The following SCMH1 variants were observed in gnomAD, a reference collection of about 807,000 sequenced individuals.
The protein encoded by SCMH1 is polycomb protein SCMH1.
Under a neutral mutation model 70.8 loss-of-function variants are expected in SCMH1, and 37 were observed. That is an observed-to-expected ratio of 0.52 (90% CI 0.40 to 0.69). SCMH1 has a LOEUF of 0.69. SCMH1 is among the 30% of genes least tolerant of loss of function. The pLI, the probability that SCMH1 is intolerant of heterozygous loss-of-function variation, is 0.00. For missense variants in SCMH1, 607 were observed against 827.3 expected, an observed-to-expected ratio of 0.73 and a Z score of 3.27; for synonymous variants, 292 against 307.4, an observed-to-expected ratio of 0.95 and a Z score of 0.52.
intron 2 of SCMH1, among the ~76,000 whole-genome samples, chr1:41,176,271 G>T (rs944279270): frequency 7.9e-5 from 12 of 151,914 alleles, no homozygotes; most frequent in Admixed American, 4.6e-4. Context: ...TCCGGGGGGT[G>T]GCACCAAGAT....
At chr1:41,070,805 C>G in intron 9 of SCMH1, 84 bp from the exon 10 acceptor site, 1 of 1,491,292 alleles carries the variant, frequency 6.7e-7, no homozygotes, top group South Asian at 1.2e-5. Context: ...ACTCATGAAG[C>G]AAAAATATAT....
rs559596693 is a variant in SCMH1, at chr1:41,079,554, C to T, written c.746-4103G>A. 4.6e-5 allele frequency among the ~76,000 whole-genome samples: 7 copies of T among 152,184 alleles called. No individual in the cohort carries two copies. In the South Asian group the frequency reaches 1.0e-3, roughly 23 times the overall value. On this transcript the variant is annotated intron_variant, in intron 8 of 14. Transcript: ENST00000337495. The stretch of plus-strand genomic sequence containing the variant: ...ACATATACCTAATAAATATAGAATA[C>T]GCAGAGACAATTTCATCATAGATCC...
At position 41,169,038 on chromosome 1, in the gene SCMH1, C is replaced by T. The variant is rs148694740; in HGVS notation, c.14-7606G>A. On this transcript the variant is annotated intron_variant, in intron 2 of 14. Transcript: ENST00000337495. ...CTAAGGAGAAGATCTGTGGCAAAAA[C>T]CTGTACTCAAATTCAGGTTGCACCC... 1.2e-3 allele frequency among the ~76,000 whole-genome samples: 176 copies of T among 152,252 alleles called. 1 individual carries two copies. The highest frequency in any genetic ancestry group is 3.8e-3 in the African/African-American group (158 of 41,536).
chr1:41,104,998 C>T (rs909325494), intron 8 of SCMH1, among the ~76,000 whole-genome samples: 1 of 152,144 alleles, frequency 6.6e-6, no homozygotes, highest in East Asian at 1.9e-4. Context: ...TCTTGTTGCC[C>T]AGGCTGGAGT....
At chr1:41,110,065 T>C (rs551552298) in intron 8 of SCMH1, among the ~76,000 whole-genome samples, 3 of 152,242 alleles carry the variant, frequency 2.0e-5, no homozygotes, top group Admixed American at 6.5e-5. Context: ...ACAGAGCTAT[T>C]ACCTCACAGT....
rs151195770 is a variant in SCMH1 at position 41,169,220 on chromosome 1, C to T, written c.14-7788G>A. ...AGAAGTTGTGGCACTTGAGACATGA[C>T]GAAACTCCTTCCAGGAAGAATGAGT... On this transcript the variant is annotated intron_variant, in intron 2 of 14. Transcript: ENST00000337495. 1.3e-4 allele frequency among the ~76,000 whole-genome samples: 20 copies of T among 152,254 alleles called. No homozygotes were observed. In the East Asian group the frequency reaches 2.9e-3, roughly 22 times the overall value.
chr1:41,228,069 A>C (rs999438178), intron 1 of SCMH1, among the ~76,000 whole-genome samples: 6 of 152,230 alleles, frequency 3.9e-5, no homozygotes, highest in African/African-American at 1.4e-4. Flanking sequence ...AATAGGCAGC[A>C]CAGCAGAGAA....
intron 1 of SCMH1, among the ~76,000 whole-genome samples, chr1:41,227,811 T>C (rs992291917): frequency 6.6e-6 from 1 of 152,074 alleles, no homozygotes; most frequent in African/African-American, 2.4e-5. Context: ...ACCCCGTCTC[T>C]ACTAAAAATA....
At chr1:41,231,522 T>C (rs1170101235) in intron 1 of SCMH1, among the ~76,000 whole-genome samples, 1 of 152,216 alleles carries the variant, frequency 6.6e-6, no homozygotes, top group African/African-American at 2.4e-5. Context: ...TTACAATTCA[T>C]GAACCAATAT....
intron 1 of SCMH1, among the ~76,000 whole-genome samples, chr1:41,223,514 T>C (rs1659682862): frequency 8.1e-6 from 1 of 123,514 alleles, no homozygotes; most frequent in Non-Finnish European, 1.9e-5. Flanking sequence ...TAATTTTATC[T>C]TTTTTTTTTT....
intron 6 of SCMH1, among the ~76,000 whole-genome samples, chr1:41,133,316 T>C (rs1642688287): frequency 6.6e-6 from 1 of 152,058 alleles, no homozygotes; most frequent in Admixed American, 6.6e-5. Context: ...TGAATGGGAG[T>C]TCACTCAAGA....
Position 41,177,436 on chromosome 1 carries a change from G to A in SCMH1, c.13+8685C>T, listed in dbSNP as rs199693641. On this transcript the variant is annotated intron_variant, in intron 2 of 14. Coordinates refer to ENST00000337495, the Ensembl canonical transcript of SCMH1. Reference sequence around the variant, plus strand: ...AGAAGAAGGCTTCAGACGATCAAACGACTCCGAGCTAAAGGAGGAAGTTCG... The same window carrying A: ...AGAAGAAGGCTTCAGACGATCAAACAACTCCGAGCTAAAGGAGGAAGTTCG... 5.9e-5 allele frequency among the ~76,000 whole-genome samples: 9 copies of A among 151,872 alleles called. 1 individual carries two copies. The South Asian group carries it at 1.0e-3, about 18-fold the overall frequency.
In SCMH1 at chr1:41,058,474, G is replaced by T. The variant is rs187324903; in HGVS notation, c.1106-9584C>A. On this transcript the variant is annotated intron_variant, in intron 10 of 14. Transcript: ENST00000337495. ...CGGCTCACTGCAACCTCCGCCTCCT[G>T]GGTTCAAGCAATTCTCCTGCTTCAG... is the stretch of plus-strand genomic sequence containing the variant. 9.0e-4 allele frequency among the ~76,000 whole-genome samples: 119 copies of T among 132,532 alleles called. 1 individual carries two copies. The highest frequency in any genetic ancestry group is 3.3e-3 in the African/African-American group (116 of 34,642). 86.9% of individuals were successfully genotyped at this position (132,532 alleles called of 152,430 possible).
At chr1:41,234,027 C>A (rs895359969) in intron 1 of SCMH1, among the ~76,000 whole-genome samples, 3 of 152,216 alleles carry the variant, frequency 2.0e-5, no homozygotes, top group African/African-American at 7.2e-5. Context: ...TTAACCTCCA[C>A]ATATTCCACC....
At chr1:41,122,704 C>T (rs969853065) in intron 6 of SCMH1, among the ~76,000 whole-genome samples, 2 of 152,222 alleles carry the variant, frequency 1.3e-5, no homozygotes, top group African/African-American at 4.8e-5. Flanking sequence ...CCAGTAGTCA[C>T]ACAACTAAGG....
intron 4 of SCMH1, among the ~76,000 whole-genome samples, chr1:41,155,863 T>A (rs190881576): frequency 1.6e-4 from 24 of 151,570 alleles, no homozygotes; most frequent in Admixed American, 1.1e-3. Flanking sequence ...CAGGCACCTA[T>A]AATCCCAGCT....
intron 5 of SCMH1, among the ~76,000 whole-genome samples, chr1:41,148,830 G>C (rs913389454): frequency 2.0e-5 from 3 of 151,822 alleles, no homozygotes; most frequent in African/African-American, 2.4e-5. Context: ...TCGCTCTGTC[G>C]CCCAGGCTGC....
chr1:41,150,915 C>T (rs1274190752), intron 5 of SCMH1, among the ~76,000 whole-genome samples: 3 of 118,280 alleles, frequency 2.5e-5, no homozygotes, highest in African/African-American at 3.4e-5. Flanking sequence ...CCAGTCTGGG[C>T]GACAGAGTGA....
intron 8 of SCMH1, among the ~76,000 whole-genome samples, chr1:41,083,820 C>T (rs1350229757): frequency 1.3e-5 from 2 of 151,966 alleles, no homozygotes; most frequent in South Asian, 4.2e-4. Context: ...GAAATAACAC[C>T]GCATATCTAC....
Sources: allele counts gnomAD v4.1 joint callset (sites outside exome capture counted in the v4.1 genomes callset), GRCh38; gene constraint gnomAD v4.1.1; transcripts MANE v1.5; gene names NCBI Gene and HGNC (gene_info 2026-07-23, HGNC 2026-07-21).